EEIG2: variants seen among roughly 807,000 people sequenced by gnomAD.
EEIG2 encodes the protein family with sequence similarity 102 member B.
the EEIG2 span, among the ~76,000 whole-genome samples, chr1:108,620,805 C>T: frequency 6.6e-6 from 1 of 152,106 alleles, no homozygotes. Context: ...GATTGCCTGC[C>T]ACATGCCAAG....
chr1:108,563,211 C>G, the EEIG2 span, among the ~76,000 whole-genome samples: 9 of 152,262 alleles, frequency 5.9e-5, no homozygotes. Flanking sequence ...CTCACTGTGC[C>G]TAGACTGTAC....
At chr1:108,581,953 T>C in the EEIG2 span, among the ~76,000 whole-genome samples, 1 of 152,138 alleles carries the variant, frequency 6.6e-6, no homozygotes, top group Non-Finnish European at 1.5e-5. Flanking sequence ...GAAGAGTCTA[T>C]TGATGCAGCA....
chr1:108,566,370 A>G, the EEIG2 span, among the ~76,000 whole-genome samples: 2 of 152,332 alleles, frequency 1.3e-5, no homozygotes, highest in South Asian at 2.1e-4. Context: ...GTTTTGATAT[A>G]TATTACCAAC....
the EEIG2 span, among the ~76,000 whole-genome samples, chr1:108,618,836 C>CG: frequency 7.1e-6 from 1 of 141,398 alleles, no homozygotes; most frequent in Non-Finnish European, 1.5e-5. Context: ...GCCCCTGTCT[C>CG]AAAAAAAAAA....
At chr1:108,608,054 G>C in the EEIG2 span, among the ~76,000 whole-genome samples, 9 of 152,250 alleles carry the variant, frequency 5.9e-5, no homozygotes, top group East Asian at 1.5e-3. Context: ...GACACATCTT[G>C]TCATCTCTAC....
At chr1:108,598,407 T>A in the EEIG2 span, among the ~76,000 whole-genome samples, 2 of 151,646 alleles carry the variant, frequency 1.3e-5, no homozygotes, top group Admixed American at 6.6e-5. Context: ...CACAGTTTTT[T>A]AAATGTATTT....
chr1:108,595,285 A>T, the EEIG2 span, among the ~76,000 whole-genome samples: 4 of 141,652 alleles, frequency 2.8e-5, no homozygotes, highest in Admixed American at 2.8e-4. Flanking sequence ...AGGGAGGGAA[A>T]GAATAAAGAG....
the EEIG2 span, among the ~76,000 whole-genome samples, chr1:108,575,579 G>T: frequency 4.0e-3 from 610 of 152,320 alleles, 31 homozygotes; most frequent in East Asian, 0.1. Context: ...ATCAGTTGAT[G>T]AAAGGATAAA....
chr1:108,590,575 A>C, the EEIG2 span, among the ~76,000 whole-genome samples: 2 of 152,168 alleles, frequency 1.3e-5, no homozygotes. Flanking sequence ...ATCCTGTTTC[A>C]CAGAGGAGGA....
At chr1:108,602,403 C>T in the EEIG2 span, among the ~76,000 whole-genome samples, 45 of 152,200 alleles carry the variant, frequency 3.0e-4, 1 homozygote, top group Admixed American at 5.2e-4. Flanking sequence ...TAATGTCCAG[C>T]AGCCTCAGGC....
At chr1:108,629,725 A>T in the EEIG2 span, 1 of 1,216,962 alleles carries the variant, frequency 8.2e-7, no homozygotes, top group Non-Finnish European at 1.2e-6. Context: ...TGAGTAGAGG[A>T]TGATGGTTGC....
the EEIG2 span, among the ~76,000 whole-genome samples, chr1:108,622,300 G>A: frequency 3.8e-3 from 574 of 152,342 alleles, 14 homozygotes; most frequent in Admixed American, 0.033. Flanking sequence ...AACATGTTCA[G>A]AGGCAAGTTT....
At chr1:108,564,862 G>T in the EEIG2 span, among the ~76,000 whole-genome samples, 17 of 152,112 alleles carry the variant, frequency 1.1e-4, no homozygotes, top group Non-Finnish European at 1.9e-4. Flanking sequence ...TAGGAGGATC[G>T]CTTGAACCCG....
the EEIG2 span, among the ~76,000 whole-genome samples, chr1:108,580,499 G>A: frequency 6.6e-6 from 1 of 152,186 alleles, no homozygotes; most frequent in Admixed American, 6.5e-5. Context: ...CAAAAGCTAG[G>A]CCTCTTGCAC....
the EEIG2 span, chr1:108,624,907 CTAAAG>C: frequency 1.6e-6 from 1 of 625,148 alleles, no homozygotes; most frequent in Non-Finnish European, 2.8e-6. Flanking sequence ...TTTATTTTGT[CTAAAG>C]TATTGTGCTC....
the EEIG2 span, among the ~76,000 whole-genome samples, chr1:108,599,327 C>T: frequency 6.6e-6 from 1 of 152,158 alleles, no homozygotes; most frequent in Non-Finnish European, 1.5e-5. Flanking sequence ...AGTCCTATCA[C>T]TCCGTAGATA....
At chr1:108,624,535 G>T in the EEIG2 span, 3 of 706,964 alleles carry the variant, frequency 4.2e-6, no homozygotes, top group South Asian at 8.8e-5. Context: ...CTCTCAAAGG[G>T]GTAACATTAC....
chr1:108,628,664 A>G, the EEIG2 span: 2 of 1,600,014 alleles, frequency 1.2e-6, no homozygotes, highest in African/African-American at 2.7e-5. Flanking sequence ...AAAAAATGTA[A>G]TTCTTTTCAA....
chr1:108,587,387 T>G, the EEIG2 span, among the ~76,000 whole-genome samples: 1 of 152,180 alleles, frequency 6.6e-6, no homozygotes, highest in Non-Finnish European at 1.5e-5. Context: ...GTGGCGCATT[T>G]GTTACAGTTG....
Sources: allele counts gnomAD v4.1 joint callset (sites outside exome capture counted in the v4.1 genomes callset), GRCh38; gene constraint gnomAD v4.1.1; transcripts MANE v1.5; gene names NCBI Gene and HGNC (gene_info 2026-07-23, HGNC 2026-07-21).